FBXO15: variants seen among roughly 807,000 people sequenced by gnomAD.
FBXO15 encodes F-box protein 15, also known as F-box only protein 15.
In FBXO15, 30 loss-of-function variants were observed where a neutral mutation model predicts 49.5. That is an observed-to-expected ratio of 0.61 (90% CI 0.45 to 0.82). The LOEUF is 0.82. Among genes scored for constraint, FBXO15 ranks in the 40% least tolerant of loss-of-function variants. The pLI is 0.00. For missense variants in FBXO15, 591 were observed against 631.5 expected, an observed-to-expected ratio of 0.94 and a Z score of 0.69; for synonymous variants, 250 against 232.7, an observed-to-expected ratio of 1.07 and a Z score of -0.68.
At chr18:74,114,195 A>T (rs1054693004) in intron 8 of FBXO15, among the ~76,000 whole-genome samples, 3 of 152,210 alleles carry the variant, frequency 2.0e-5, no homozygotes, top group Non-Finnish European at 4.4e-5. Context: ...AGCCCAGAGT[A>T]AAAACCCGGG....
chr18:74,090,478 T>A (rs1035236890), intron 8 of FBXO15, among the ~76,000 whole-genome samples: 2 of 152,290 alleles, frequency 1.3e-5, no homozygotes, highest in South Asian at 4.2e-4. Flanking sequence ...GTTTTCTAGT[T>A]CCTCCAGTTG....
chr18:74,123,277 A>G, intron 8 of FBXO15, 91 bp downstream of exon 8: 1 of 1,368,624 alleles, frequency 7.3e-7, no homozygotes, highest in East Asian at 2.3e-5. Context: ...TAAAGTGACC[A>G]GTGAGGGCAA....
chr18:74,093,288 T>G (rs1333673031), intron 8 of FBXO15, among the ~76,000 whole-genome samples: 2 of 147,888 alleles, frequency 1.4e-5, no homozygotes, highest in African/African-American at 2.5e-5. Context: ...TGCAGACAAG[T>G]ACATGCTAGC....
chr18:74,110,194 C>CATAT (rs58739905), intron 8 of FBXO15, among the ~76,000 whole-genome samples: 84,668 of 143,294 alleles, frequency 0.59, 25,998 homozygotes, highest in South Asian at 0.69. Context: ...CATATGTGTG[C>CATAT]ATATATATAT....
chr18:74,144,601 G>C (rs911265887), intron 1 of FBXO15, among the ~76,000 whole-genome samples: 1 of 152,074 alleles, frequency 6.6e-6, no homozygotes, highest in Non-Finnish European at 1.5e-5. Flanking sequence ...AATTTCTTAG[G>C]AGTCTCCCAA....
chr18:74,144,029 G>A (rs1239116133), intron 1 of FBXO15, among the ~76,000 whole-genome samples: 3 of 152,324 alleles, frequency 2.0e-5, no homozygotes, highest in South Asian at 2.1e-4. Context: ...CCTGGCATGC[G>A]AGCAGCATTC....
At chr18:74,138,989 C>G (rs191533705) in intron 2 of FBXO15, among the ~76,000 whole-genome samples, 1 of 152,166 alleles carries the variant, frequency 6.6e-6, no homozygotes, top group South Asian at 2.1e-4. Flanking sequence ...CTCCCCAGAG[C>G]CTGGTAGCCC....
chr18:74,137,794 A>G (rs1338712401), intron 2 of FBXO15, among the ~76,000 whole-genome samples: 1 of 152,204 alleles, frequency 6.6e-6, no homozygotes, highest in African/African-American at 2.4e-5. Flanking sequence ...AGAATGTAGA[A>G]CAAAGAAACT....
At chr18:74,086,675 A>G (rs983529226) in intron 8 of FBXO15, among the ~76,000 whole-genome samples, 3 of 152,144 alleles carry the variant, frequency 2.0e-5, no homozygotes, top group Non-Finnish European at 2.9e-5. Flanking sequence ...CTCCCAAAGT[A>G]CTGGGATTAT....
At chr18:74,137,316 A>G (rs1978783014) in intron 2 of FBXO15, among the ~76,000 whole-genome samples, 1 of 152,218 alleles carries the variant, frequency 6.6e-6, no homozygotes, top group African/African-American at 2.4e-5. Context: ...TGGATTATTC[A>G]TTGCATATAA....
intron 8 of FBXO15, among the ~76,000 whole-genome samples, chr18:74,093,263 T>TGC (rs35120126): frequency 1.6e-5 from 2 of 123,604 alleles, no homozygotes; most frequent in African/African-American, 3.2e-5. Context: ...GGCAAAACAA[T>TGC]GGGGGGGGGG....
chr18:74,082,647 C>A (rs1172975240), intron 8 of FBXO15, among the ~76,000 whole-genome samples: 2 of 152,196 alleles, frequency 1.3e-5, no homozygotes, highest in Admixed American at 1.3e-4. Flanking sequence ...CCCTCGCACC[C>A]ACACAGCACA....
chr18:74,147,448 A>G, intron 1 of FBXO15: 5 of 1,184,444 alleles, frequency 4.2e-6, no homozygotes, highest in South Asian at 8.5e-5. Context: ...GCAAGAAAAA[A>G]TATTTCCCCG....
At chr18:74,101,284 T>G (rs55698187) in intron 8 of FBXO15, among the ~76,000 whole-genome samples, 13,295 of 152,178 alleles carry the variant, frequency 0.087, 814 homozygotes, top group Admixed American at 0.2. Flanking sequence ...ATACACCACA[T>G]AAACAGAATT....
chr18:74,134,318 T>C (rs1422407354), intron 3 of FBXO15, among the ~76,000 whole-genome samples: 3 of 152,056 alleles, frequency 2.0e-5, no homozygotes, highest in Non-Finnish European at 2.9e-5. Context: ...AAAGATGGAC[T>C]AGATTAGTTA....
chr18:74,138,010 C>G (rs1415726214), intron 2 of FBXO15, among the ~76,000 whole-genome samples: 1 of 152,072 alleles, frequency 6.6e-6, no homozygotes, highest in Non-Finnish European at 1.5e-5. Context: ...TAGGTCCCCA[C>G]GGTTTCTGCA....
chr18:74,139,399 C>A (rs1348007898), intron 2 of FBXO15, among the ~76,000 whole-genome samples: 2 of 152,190 alleles, frequency 1.3e-5, no homozygotes, highest in African/African-American at 4.8e-5. Flanking sequence ...TATCAGATGC[C>A]TGTAAAACAG....
intron 5 of FBXO15, among the ~76,000 whole-genome samples, chr18:74,127,421 T>C (rs533645678): frequency 6.6e-6 from 1 of 152,254 alleles, no homozygotes; most frequent in South Asian, 2.1e-4. Context: ...GGAAGAAAAT[T>C]TGGAGTCTGA....
chr18:74,079,398 T>C (rs1208074584), intron 9 of FBXO15, among the ~76,000 whole-genome samples: 1 of 152,194 alleles, frequency 6.6e-6, no homozygotes, highest in Non-Finnish European at 1.5e-5. Flanking sequence ...GATTCAGTAC[T>C]AACACGTGGC....
Sources: allele counts gnomAD v4.1 joint callset (sites outside exome capture counted in the v4.1 genomes callset), GRCh38; gene constraint gnomAD v4.1.1; transcripts MANE v1.5; gene names NCBI Gene and HGNC (gene_info 2026-07-23, HGNC 2026-07-21).